TMEM117: variants seen among roughly 807,000 people sequenced by gnomAD.
TMEM117 encodes the protein transmembrane protein 117.
In TMEM117, 27 loss-of-function variants were observed where a neutral mutation model predicts 52.4. The observed-to-expected ratio is 0.51, with a 90% confidence interval of 0.38 to 0.71. TMEM117 has a LOEUF of 0.71. Among genes scored for constraint, TMEM117 ranks in the 30% least tolerant of loss-of-function variants. TMEM117 has a pLI of 0.00. For synonymous variants in TMEM117, 215 were observed against 206.3 expected (o/e 1.04, Z -0.36); for missense variants, 556 against 630.5 (o/e 0.88, Z 1.26).
intron 3 of TMEM117, among the ~76,000 whole-genome samples, chr12:44,095,669 T>C (rs1947746344): frequency 6.6e-6 from 1 of 152,094 alleles, no homozygotes; most frequent in African/African-American, 2.4e-5. Flanking sequence ...TTGTCACTTA[T>C]TTTCAGGTTA....
chr12:44,392,770 G>A (rs910556173), downstream of TMEM117, among the ~76,000 whole-genome samples: 2 of 150,342 alleles, frequency 1.3e-5, no homozygotes, highest in East Asian at 2.0e-4. Context: ...GAGAACATGC[G>A]GCTTCTTAAA....
intron 3 of TMEM117, among the ~76,000 whole-genome samples, chr12:44,120,164 A>G (rs1269317060): frequency 6.6e-6 from 1 of 152,110 alleles, no homozygotes; most frequent in Admixed American, 6.5e-5. Flanking sequence ...AGGAAATGAC[A>G]GAAGAAAGGG....
chr12:44,306,938 ATAT>A (rs1476556867), intron 6 of TMEM117, among the ~76,000 whole-genome samples: 1 of 152,238 alleles, frequency 6.6e-6, no homozygotes, highest in Non-Finnish European at 1.5e-5. Context: ...GAGAGAAGTG[ATAT>A]TTCCTGAAAA....
At chr12:43,958,700 G>A (rs1945347663) in intron 3 of TMEM117, among the ~76,000 whole-genome samples, 1 of 152,188 alleles carries the variant, frequency 6.6e-6, no homozygotes, top group East Asian at 1.9e-4. Flanking sequence ...AGTACCCTCA[G>A]TAAGTGTGAT....
Position 43,923,684 on chromosome 12 carries a change from A to G in TMEM117, c.278-20526A>G, listed in dbSNP as rs115860319. Among the ~76,000 whole-genome samples the G allele has an allele frequency of 7.0e-3, 1,063 of 152,324 alleles. 9 individuals are homozygous for G. The highest frequency in any genetic ancestry group is 0.023 in the African/African-American group (959 of 41,580). On this transcript the variant is annotated intron_variant, in intron 2 of 7. Coordinates refer to ENST00000266534, the MANE Select transcript of TMEM117 (RefSeq NM_032256.3). ...TTTGCATATTTGGTTAAGTAAAAAT[A>G]TATAAGATAATTTTCTGTCATAATT...
intron 6 of TMEM117, among the ~76,000 whole-genome samples, chr12:44,336,648 A>G (rs1032846801): frequency 1.3e-5 from 2 of 152,020 alleles, no homozygotes; most frequent in Non-Finnish European, 2.9e-5. Context: ...AGAGAAATCC[A>G]TTAGGCATTG....
intron 6 of TMEM117, among the ~76,000 whole-genome samples, chr12:44,330,907 A>G (rs1210392817): frequency 6.6e-6 from 1 of 152,078 alleles, no homozygotes; most frequent in Admixed American, 6.6e-5. Context: ...TTATATTACT[A>G]TAAGGTAATG....
chr12:44,131,331 T>C (rs1038209055), intron 3 of TMEM117, among the ~76,000 whole-genome samples: 1 of 152,126 alleles, frequency 6.6e-6, no homozygotes, highest in Non-Finnish European at 1.5e-5. Flanking sequence ...ATAGTTTAGT[T>C]ATATTATGGA....
the TMEM117 span, among the ~76,000 whole-genome samples, chr12:43,800,022 C>A: frequency 6.6e-6 from 1 of 152,030 alleles, no homozygotes; most frequent in South Asian, 2.1e-4. Flanking sequence ...AAGAAACCAG[C>A]CCACTTCACA....
chr12:43,981,595 C>T (rs1945761573), intron 3 of TMEM117, among the ~76,000 whole-genome samples: 1 of 152,168 alleles, frequency 6.6e-6, no homozygotes, highest in East Asian at 1.9e-4. Flanking sequence ...GATAAGATTT[C>T]TGCTTTGAGT....
At chr12:43,897,287 T>C (rs1944221463) in intron 2 of TMEM117, among the ~76,000 whole-genome samples, 1 of 150,304 alleles carries the variant, frequency 6.7e-6, no homozygotes, top group South Asian at 2.1e-4. Context: ...ATCAGTTCCA[T>C]CTATACTTTC....
chr12:44,331,777 T>C (rs1951273569), intron 6 of TMEM117, among the ~76,000 whole-genome samples: 1 of 152,008 alleles, frequency 6.6e-6, no homozygotes, highest in Admixed American at 6.6e-5. Flanking sequence ...TTTCCCTTCC[T>C]CTAGGGAGTG....
At chr12:43,897,053 G>T (rs1369876174) in intron 2 of TMEM117, among the ~76,000 whole-genome samples, 1 of 152,066 alleles carries the variant, frequency 6.6e-6, no homozygotes, top group Non-Finnish European at 1.5e-5. Flanking sequence ...TTCTCTGTGA[G>T]ATTGCCTCTC....
At chr12:43,966,453 C>T (rs1248804011) in intron 3 of TMEM117, among the ~76,000 whole-genome samples, 2 of 152,092 alleles carry the variant, frequency 1.3e-5, no homozygotes, top group African/African-American at 2.4e-5. Flanking sequence ...GAAGAAAACA[C>T]ATAGATTATG....
At chr12:43,923,405 G>T (rs4768055) in intron 2 of TMEM117, among the ~76,000 whole-genome samples, 103,050 of 152,056 alleles carry the variant, frequency 0.68, 39,045 homozygotes, top group Non-Finnish European at 0.82. Flanking sequence ...GTGGCATCTG[G>T]TCACACATTT....
chr12:43,946,389 T>TG (rs202236515), intron 3 of TMEM117, among the ~76,000 whole-genome samples: 2 of 22,646 alleles, frequency 8.8e-5, no homozygotes. Flanking sequence ...TTTTTTTTTT[T>TG]TTTTTGTTTG....
chr12:44,123,412 C>A (rs909937788), intron 3 of TMEM117, among the ~76,000 whole-genome samples: 1 of 152,066 alleles, frequency 6.6e-6, no homozygotes, highest in African/African-American at 2.4e-5. Flanking sequence ...TAATTAGATC[C>A]CATTTGTCAA....
chr12:44,299,604 T>A lies in TMEM117; in HGVS notation c.633T>A (p.Ser211=). ...GGACAGTTCTTTTTACTCTGACGTC[T>A]GTGGTTGTACTTGTGATTACAACGG... ...LFWTVLFTLT[S]VVVLVITTDW... Residue 211 remains serine (S), a synonymous_variant, in exon 6 of 8, where the codon TCT becomes TCA. Transcript: ENST00000266534. 6.2e-7 allele frequency: 1 copy of A among 1,614,232 alleles called. No individual in the cohort carries two copies. The highest frequency in any genetic ancestry group is 1.3e-5 in the African/African-American group (1 of 75,072).
chr12:44,277,498 A>G (rs1308599290), intron 5 of TMEM117, among the ~76,000 whole-genome samples: 1 of 152,188 alleles, frequency 6.6e-6, no homozygotes, highest in Non-Finnish European at 1.5e-5. Context: ...CTTTGGCTTC[A>G]GTAAAATTGT....
Sources: gnomAD v4.1 joint callset for allele counts (sites outside exome capture counted in the v4.1 genomes callset) on GRCh38, gnomAD v4.1.1 for gene constraint, MANE v1.5 for transcripts, NCBI Gene and HGNC (gene_info 2026-07-23, HGNC 2026-07-21) for gene names.